TRPM6: variants seen among roughly 807,000 people sequenced by gnomAD.
TRPM6 encodes channel kinase 2.
Under a neutral mutation model 247.6 loss-of-function variants are expected in TRPM6, and 111 were observed. The ratio of observed to expected loss-of-function variants is 0.45; its 90% CI spans 0.38 to 0.52. The LOEUF (loss-of-function observed/expected upper bound fraction) is 0.52. TRPM6 is among the 20% of genes least tolerant of loss of function. The probability of loss-of-function intolerance (pLI) is 0.00; values close to 1 mark genes in which losing one functional copy is unlikely to be tolerated. For missense variants in TRPM6, 2,126 were observed against 2,421.5 expected (o/e 0.88, Z 2.56); for synonymous variants, 892 against 853.8 (o/e 1.04, Z -0.78).
chr9:74,868,041 C>T (rs938903946), intron 1 of TRPM6, among the ~76,000 whole-genome samples: 1 of 151,166 alleles, frequency 6.6e-6, no homozygotes, highest in Non-Finnish European at 1.5e-5. Flanking sequence ...GTAATCCCAG[C>T]TACTCAGGAG....
intron 23 of TRPM6, among the ~76,000 whole-genome samples, chr9:74,780,143 G>A (rs1827381585): frequency 6.7e-6 from 1 of 149,956 alleles, no homozygotes; most frequent in Non-Finnish European, 1.5e-5. Flanking sequence ...GTGCAGTCCA[G>A]CCTGGACAAC....
chr9:74,786,557 G>A (rs539255046), intron 20 of TRPM6, among the ~76,000 whole-genome samples: 22 of 151,816 alleles, frequency 1.4e-4, no homozygotes, highest in South Asian at 1.3e-3. Context: ...TGGCTAAAAC[G>A]GTGAAACCCC....
At chr9:74,788,332 T>A (rs1192095825) in intron 20 of TRPM6, among the ~76,000 whole-genome samples, 1 of 152,188 alleles carries the variant, frequency 6.6e-6, no homozygotes, top group Non-Finnish European at 1.5e-5. Context: ...TATGGCATCA[T>A]CTATCCTTTA....
At chr9:74,783,671 T>C (rs1024594167) in intron 21 of TRPM6, among the ~76,000 whole-genome samples, 12 of 152,226 alleles carry the variant, frequency 7.9e-5, no homozygotes, top group Non-Finnish European at 1.5e-4. Flanking sequence ...TTGTGCTAAG[T>C]CATTGAAATA....
chr9:74,741,196 A>G (rs1281162170), intron 33 of TRPM6, among the ~76,000 whole-genome samples: 1 of 152,134 alleles, frequency 6.6e-6, no homozygotes, highest in Non-Finnish European at 1.5e-5. Context: ...AGAGGGAAAA[A>G]TTCCTGTTGA....
At chr9:74,879,344 T>C (rs975208310) in intron 1 of TRPM6, among the ~76,000 whole-genome samples, 19 of 150,302 alleles carry the variant, frequency 1.3e-4, no homozygotes, top group African/African-American at 4.4e-4. Context: ...CATATATACA[T>C]ATATATATAA....
intron 1 of TRPM6, among the ~76,000 whole-genome samples, chr9:74,865,418 T>A (rs1830816616): frequency 6.6e-6 from 1 of 152,220 alleles, no homozygotes; most frequent in African/African-American, 2.4e-5. Context: ...TAATTTCAGA[T>A]CTTGTTAAAT....
At chr9:74,848,369 G>A (rs984884715) in intron 3 of TRPM6, among the ~76,000 whole-genome samples, 1 of 152,140 alleles carries the variant, frequency 6.6e-6, no homozygotes, top group Non-Finnish European at 1.5e-5. Context: ...GCCACTAACG[G>A]GTGGGGAGCG....
chr9:74,792,560 A>G, intron 19 of TRPM6, 64 bp downstream of exon 19: 1 of 1,548,400 alleles, frequency 6.5e-7, no homozygotes, highest in Non-Finnish European at 8.9e-7. Context: ...CAGGCATATT[A>G]TCAACATCAT....
intron 29 of TRPM6, 98 bp from the exon 30 acceptor site, chr9:74,750,820 CTTT>C (rs1826220581): frequency 9.4e-7 from 1 of 1,067,114 alleles, no homozygotes; most frequent in African/African-American, 1.6e-5. Flanking sequence ...GAGAATCCTT[CTTT>C]TTTCTTCATC....
Position 74,762,473 on chromosome 9 carries a change from C to T in TRPM6, c.4198G>A (p.Val1400Met), listed in dbSNP as rs199642574. The T allele has an allele frequency of 1.9e-6, 3 of 1,614,190 alleles. No individual in the cohort carries two copies. The highest frequency in any genetic ancestry group is 2.5e-6 in the Non-Finnish European group (3 of 1,180,030). ...TCGTGCTTTTCCTTGGGTTCATCCACTGATGCCCAGTCAGAGACAACTGGG... is the reference window on the plus strand; with the variant it reads ...TCGTGCTTTTCCTTGGGTTCATCCATTGATGCCCAGTCAGAGACAACTGGG... Reference protein sequence around the residue: ...QTPVVSDWASVDEPKEKHEPI... With the variant: ...QTPVVSDWASMDEPKEKHEPI... The change falls in exon 26 of 39, where the codon GTG becomes ATG. Residue 1400 changes from valine (V) to methionine (M), a missense_variant. This residue lies in a region of TRPM6 where 717 missense variants were observed against 715.9 expected (regional missense o/e 1.00). Coordinates refer to ENST00000360774, the MANE Select transcript of TRPM6 (RefSeq NM_017662.5).
chr9:74,871,542 C>T (rs1351697328), intron 1 of TRPM6, among the ~76,000 whole-genome samples: 1 of 152,090 alleles, frequency 6.6e-6, no homozygotes, highest in Non-Finnish European at 1.5e-5. Context: ...AGCACCTGGT[C>T]ATGTATATAT....
chr9:74,876,604 G>C (rs1310141226), intron 1 of TRPM6, among the ~76,000 whole-genome samples: 1 of 152,184 alleles, frequency 6.6e-6, no homozygotes, highest in Non-Finnish European at 1.5e-5. Flanking sequence ...TCTGACTTGA[G>C]TTCATTCCCT....
In TRPM6 at chr9:74,816,830, A is replaced by G. The variant is rs1828950571; in HGVS notation, c.1208-61T>C. ...TCAAGATATCTACGCAAGAAGCACA[A>G]AGTACTGTGGAACATGAGAAGCGTA... On this transcript the variant is annotated intron_variant, in intron 10 of 38. Transcript: ENST00000360774. 3.7e-6 allele frequency: 6 copies of G among 1,610,022 alleles called. No homozygotes were observed. In the South Asian group the frequency reaches 6.6e-5, roughly 18 times the overall value.
intron 18 of TRPM6, 31 bp from the exon 19 acceptor site, chr9:74,792,801 T>C (rs1564017062): frequency 6.2e-7 from 1 of 1,601,406 alleles, no homozygotes; most frequent in Non-Finnish European, 8.6e-7. Context: ...CATTTTCTTG[T>C]CAGCAGCTTA....
At chr9:74,751,018 G>C (rs113973918) in intron 29 of TRPM6, among the ~76,000 whole-genome samples, 6 of 152,060 alleles carry the variant, frequency 3.9e-5, no homozygotes, top group Admixed American at 3.9e-4. Flanking sequence ...AGAAAATCAG[G>C]ACTAAACATA....
chr9:74,737,392 T>C (rs1204122060), intron 36 of TRPM6: 5 of 1,289,808 alleles, frequency 3.9e-6, no homozygotes, highest in Non-Finnish European at 5.1e-6. Flanking sequence ...TGTCTGCTTA[T>C]CTCTACATTC....
At chr9:74,859,880 C>T (rs997766810) in intron 1 of TRPM6, among the ~76,000 whole-genome samples, 22 of 152,204 alleles carry the variant, frequency 1.4e-4, no homozygotes, top group African/African-American at 4.8e-4. Context: ...TCAAACTCCA[C>T]GTCAGTGCAG....
rs541788724 is a variant in TRPM6, at chr9:74,773,872, T to A, written c.3403+2011A>T. On this transcript the variant is annotated intron_variant, in intron 24 of 38. Transcript: ENST00000360774. Reference sequence around the variant, plus strand: ...TCTGATTTAAATGGCAGGAAAAAAATTTTCAGACACTGAAAAGATTCGGTA... The same window carrying A: ...TCTGATTTAAATGGCAGGAAAAAAAATTTCAGACACTGAAAAGATTCGGTA... Among the ~76,000 whole-genome samples the A allele has an allele frequency of 2.4e-4, 36 of 152,138 alleles. No homozygotes were observed. In the South Asian group the frequency reaches 7.3e-3, roughly 31 times the overall value.
Sources: allele counts gnomAD v4.1 joint callset (sites outside exome capture counted in the v4.1 genomes callset), GRCh38; gene constraint gnomAD v4.1.1; regional missense constraint gnomAD v4.1.1; transcripts MANE v1.5; gene names NCBI Gene and HGNC (gene_info 2026-07-23, HGNC 2026-07-21).